The following INTS3 variants were observed in gnomAD, a reference collection of about 807,000 sequenced individuals.
INTS3 encodes SOSS complex subunit A.
A neutral mutation model predicts 146.3 loss-of-function variants in INTS3; 34 were observed. That is an observed-to-expected ratio of 0.23 (90% CI 0.18 to 0.31). INTS3 has a LOEUF of 0.31. Ranked by LOEUF, INTS3 falls within the 10% of genes least tolerant of loss-of-function variation. The pLI, the probability that INTS3 is intolerant of heterozygous loss-of-function variation, is 1.00. For synonymous variants in INTS3, 475 were observed against 494.9 expected (o/e 0.96, Z 0.53); for missense variants, 757 against 1,304.2 (o/e 0.58, Z 6.46).
intron 1 of INTS3, among the ~76,000 whole-genome samples, chr1:153,734,288 G>GAACCTA (rs1671203664): frequency 6.6e-6 from 1 of 152,142 alleles, no homozygotes; most frequent in African/African-American, 2.4e-5. Context: ...GTAGGGATCT[G>GAACCTA]GCTTCCTGTG....
chr1:153,763,643 T>C (rs540270734), intron 16 of INTS3, among the ~76,000 whole-genome samples, 189 bp from the exon 17 acceptor site: 2 of 152,312 alleles, frequency 1.3e-5, no homozygotes, highest in East Asian at 3.9e-4. Flanking sequence ...ATTTTCCTTT[T>C]CTTTGGGCCT....
chr1:153,759,459 T>G, intron 10 of INTS3, 67 bp from the exon 11 acceptor site: 1 of 1,069,106 alleles, frequency 9.4e-7, no homozygotes, highest in Non-Finnish European at 1.5e-6. Flanking sequence ...GAATCTGTCT[T>G]GGGACTCTGA....
chr1:153,728,840 AGCGGATACCG>A, intron 1 of INTS3, 56 bp downstream of exon 1: 1 of 331,736 alleles, frequency 3.0e-6, no homozygotes, highest in Non-Finnish European at 4.6e-6. Flanking sequence ...GGGATACTGG[AGCGGATACCG>A]GGTGGGAGGA....
At position 153,757,635 on chromosome 1, in the gene INTS3, G is replaced by T; in HGVS notation, c.1021G>T (p.Asp341Tyr). The stretch of plus-strand genomic sequence containing the variant: ...CCAGCGCCAGTACCTGTCAACTCCA[G>T]ATAGTCAGTCTCTGCGCTGTGACCT... ...WFQRQYLSTP[D>Y]SQSLRCDLIR... Residue 341 changes from aspartate (D) to tyrosine (Y), a missense_variant, in exon 10 of 30, where the codon GAT becomes TAT. This residue lies in a region of INTS3 where 134 missense variants were observed against 243.1 expected (regional missense o/e 0.55). Transcript: ENST00000318967. This position sits in a 1 kb window ranked among gnomAD's most constrained non-coding sequence, Gnocchi z 4.0. 6.2e-7 allele frequency: 1 copy of T among 1,614,190 alleles called. No individual in the cohort carries two copies. Among genetic ancestry groups the T allele is most frequent in the Non-Finnish European group, 8.5e-7 (1 of 1,180,026 alleles).
intron 11 of INTS3, 79 bp from the exon 12 acceptor site, chr1:153,760,232 C>CAAAAAA (rs58951043): frequency 2.1e-4 from 84 of 395,336 alleles, no homozygotes; most frequent in Admixed American, 4.6e-4. Context: ...GACTCTGTTT[C>CAAAAAA]AAAAAAAAAA....
chr1:153,728,795 G>C lies in INTS3; in HGVS notation c.150+11G>C, dbSNP rs763661910. ...GATGAGTTAGAGGAGGTAGGTGTGG[G>C]GGGAGGGAAGGGAGTTAAGAAATTG... On this transcript the variant is annotated intron_variant, in intron 1 of 29. Transcript: ENST00000318967. The C allele has an allele frequency of 6.3e-7, 1 of 1,587,952 alleles. No homozygotes were observed. The highest frequency in any genetic ancestry group is 8.6e-7 in the Non-Finnish European group (1 of 1,166,794).
At position 153,770,691 on chromosome 1, in the gene INTS3, C is replaced by T; in HGVS notation, c.2510C>T (p.Pro837Leu). 1 of 1,613,740 alleles carries T rather than the reference C, an allele frequency of 6.2e-7. No homozygotes were observed. The highest frequency in any genetic ancestry group is 8.5e-7 in the Non-Finnish European group (1 of 1,179,640). ...ILQHLKYKEH[P>L]EALSCLLLQL... Reference sequence around the variant, plus strand: ...CTCTGCCCTTCCCTCACAGAGCACCCAGAGGCCCTGTCCTGCCTACTGCTT... The same window carrying T: ...CTCTGCCCTTCCCTCACAGAGCACCTAGAGGCCCTGTCCTGCCTACTGCTT... Residue 837 changes from proline to leucine, a missense_variant, in exon 25 of 30, where the codon CCA (proline) becomes CTA (leucine). By Grantham distance (98) the Pro-to-Leu change is moderately conservative (BLOSUM62 -3). Transcript: ENST00000318967.
intron 1 of INTS3, among the ~76,000 whole-genome samples, chr1:153,736,500 G>A (rs992002995): frequency 6.6e-6 from 1 of 150,540 alleles, no homozygotes; most frequent in African/African-American, 2.4e-5. Context: ...AGGCTGGAGT[G>A]CAGTGGCGCA....
chr1:153,761,580 C>T lies in INTS3; in HGVS notation c.1420C>T (p.Pro474Ser). 1 of 1,613,024 alleles carries T rather than the reference C, an allele frequency of 6.2e-7. No homozygotes were observed. ...ATGTTCCCCATTTAGACACCTAGCT[C>T]CCCTGTTTGACAACCCTAAGTTGGA... ...VEKRVLAHLA[P>S]LFDNPKLDKE... is the part of the protein sequence containing the mutation. The change falls in exon 14 of 30, where the codon CCC becomes TCC. Residue 474 changes from proline to serine, a missense_variant. Pro to Ser is a moderately conservative substitution (Grantham distance 74, BLOSUM62 -1). Around this residue, in one of 8 missense-constraint regions of INTS3, gnomAD observed 97 missense variants for 113.6 expected, o/e 0.85. Coordinates refer to ENST00000318967, the MANE Select transcript of INTS3 (RefSeq NM_023015.5).
chr1:153,771,561 C>T (rs1328017748), intron 25 of INTS3, among the ~76,000 whole-genome samples: 2 of 152,120 alleles, frequency 1.3e-5, no homozygotes, highest in African/African-American at 2.4e-5. Context: ...TCCTCCTTCC[C>T]AACACACACA....
chr1:153,762,400 C>T (rs1460960893), intron 14 of INTS3, among the ~76,000 whole-genome samples: 1 of 152,160 alleles, frequency 6.6e-6, no homozygotes, highest in Non-Finnish European at 1.5e-5. Context: ...GCCGAGATGG[C>T]GCCACTGCAC....
At position 153,771,851 on chromosome 1, in the gene INTS3, C is replaced by T; in HGVS notation, c.2608C>T (p.Gln870Ter). Residue 870 changes from glutamine to a stop codon, truncating the protein, a stop_gained, in exon 26 of 30, where the codon CAG becomes TAG. Transcript: ENST00000318967. LOFTEE classifies it high-confidence loss of function. Reference protein sequence around the residue: ...VLSRPCHPDDQFTTSILRHWC... With the variant: ...VLSRPCHPDD ...GAGCCGGCCCTGCCATCCTGACGACCAGTTCACCACCAGCATCCTGCGGCA... is the reference window on the plus strand; with the variant it reads ...GAGCCGGCCCTGCCATCCTGACGACTAGTTCACCACCAGCATCCTGCGGCA... The T allele has an allele frequency of 6.2e-7, 1 of 1,614,100 alleles. No individual in the cohort carries two copies. Among genetic ancestry groups the T allele is most frequent in the South Asian group, 1.1e-5 (1 of 91,080 alleles).
chr1:153,760,457 C>G, intron 12 of INTS3, 67 bp downstream of exon 12: 1 of 1,341,246 alleles, frequency 7.5e-7, no homozygotes, highest in Non-Finnish European at 1.1e-6. Context: ...CTCCCCTAAT[C>G]TCCCAGTGAA....
At chr1:153,740,823 G>A in intron 2 of INTS3, 89 bp downstream of exon 2, 3 of 1,039,652 alleles carry the variant, frequency 2.9e-6, no homozygotes, top group Admixed American at 1.7e-5. Context: ...AGTGGTTGGG[G>A]GTAGGGGACT....
Position 153,773,044 on chromosome 1 carries a change from C to A in INTS3, c.3014C>A (p.Pro1005His), listed in dbSNP as rs1422486410. 3 of 1,614,192 alleles carry A rather than the reference C, an allele frequency of 1.9e-6. No homozygotes were observed. Among genetic ancestry groups the A allele is most frequent in the Admixed American group, 1.7e-5 (1 of 60,016 alleles). Residue 1005 changes from proline to histidine, a missense_variant, in exon 29 of 30, where the codon CCC becomes CAC. This residue lies in a region of INTS3 where 125 missense variants were observed against 165.6 expected (regional missense o/e 0.75). Transcript: ENST00000318967. ...PRSRKNATQP[P>H]NAEEESGSSS... ...AGTCGAAAGAATGCCACACAGCCCC[C>A]CAATGCCGAAGAAGAGTCGGGCTCC...
At chr1:153,762,686 CCCAGGAGG>C in intron 14 of INTS3, 34 bp from the exon 15 acceptor site, 1 of 1,611,656 alleles carries the variant, frequency 6.2e-7, no homozygotes, top group Non-Finnish European at 8.5e-7. Flanking sequence ...TGTTAGAGGA[CCCAGGAGG>C]CCATTAAATG....
chr1:153,753,680 G>C (rs1171328200), intron 8 of INTS3: 1 of 147,044 alleles, frequency 6.8e-6, no homozygotes, highest in Non-Finnish European at 1.5e-5. Context: ...TTTTGAGACG[G>C]AGTCTTGCTC....
Position 153,757,438 on chromosome 1 carries a change from A to T in INTS3, c.958-134A>T. 1.5e-6 allele frequency: 1 copy of T among 663,976 alleles called. No homozygotes were observed. The highest frequency in any genetic ancestry group is 2.6e-6 in the Non-Finnish European group (1 of 388,876). 41.1% of individuals were successfully genotyped at this position (663,976 alleles called of 1,614,324 possible). A position where few individuals can be genotyped will look rare whatever the true frequency, so the allele number is the denominator to read the frequency against. On this transcript the variant is annotated intron_variant, in intron 9 of 29. Transcript: ENST00000318967. The surrounding 1 kb of genome is among the most constrained non-coding windows in gnomAD (Gnocchi z 4.0). ...CTAAAGGAGGGGAGACTTACGAGACAGTATGAGCTAATGAATGAATTGTGG... is the reference window on the plus strand; with the variant it reads ...CTAAAGGAGGGGAGACTTACGAGACTGTATGAGCTAATGAATGAATTGTGG...
At chr1:153,753,476 G>A (rs528494035) in intron 8 of INTS3, among the ~76,000 whole-genome samples, 2 of 151,478 alleles carry the variant, frequency 1.3e-5, no homozygotes, top group East Asian at 4.0e-4. Flanking sequence ...AGAATCGCTT[G>A]AACCCAGGAG....
Sources: gnomAD v4.1 joint callset for allele counts (sites outside exome capture counted in the v4.1 genomes callset) on GRCh38, gnomAD v4.1.1 for gene constraint, gnomAD v4.1.1 regional missense constraint, Gnocchi (gnomAD v3.1) non-coding constraint, MANE v1.5 for transcripts, NCBI Gene and HGNC (gene_info 2026-07-23, HGNC 2026-07-21) for gene names.